SRPX: variants seen among roughly 807,000 people sequenced by gnomAD.
The protein encoded by SRPX is sushi repeat-containing protein SRPX.
In SRPX, 24 loss-of-function variants were observed where a neutral mutation model predicts 38.1. The observed-to-expected ratio is 0.63, with a 90% CI of 0.46 to 0.89. SRPX has a LOEUF of 0.89. Among genes scored for constraint, SRPX ranks in the 40% least tolerant of loss-of-function variants. The pLI, the probability that SRPX is intolerant of heterozygous loss-of-function variation, is 0.00. For missense variants in SRPX, 416 were observed against 377.8 expected (o/e 1.10, Z -0.84); for synonymous variants, 184 against 153.8 (o/e 1.20, Z -1.45).
At chrX:38,199,681 A>G (rs1163295183) in intron 1 of SRPX, among the ~76,000 whole-genome samples, 1 of 109,995 alleles carries the variant, frequency 9.1e-6, no homozygotes. Context: ...TCTGAGGGAA[A>G]GACTTGATTC....
At chrX:38,172,394 G>A (rs183184246) in intron 3 of SRPX, among the ~76,000 whole-genome samples, 38 of 113,078 alleles carry the variant, frequency 3.4e-4, no homozygotes, top group Admixed American at 3.1e-3. Context: ...CAGAGGTTGC[G>A]GCGAGCTGAG....
chrX:38,220,578 T>G, intron 1 of SRPX, 118 bp downstream of exon 1: 1 of 1,038,590 alleles, frequency 9.6e-7, no homozygotes, highest in African/African-American at 2.0e-5. Flanking sequence ...GAAAGAGGAG[T>G]TCTGCGCAAA....
In SRPX at chrX:38,154,579, G is replaced by A. The variant is rs1357541127; in HGVS notation, c.1094C>T (p.Ala365Val). The A allele has an allele frequency of 1.7e-6, 2 of 1,207,665 alleles. No homozygotes were observed. Among genetic ancestry groups the A allele is most frequent in the Non-Finnish European group, 2.2e-6 (2 of 894,003 alleles). ...YRLQLGMLQQ[A>V]QCGLDLRHIT... ...GTGTCGAAGATCAAGGCCACACTGTGCTTGCTGGGAAAAAGAAAACCCAAC... is the reference window on the plus strand; with the variant it reads ...GTGTCGAAGATCAAGGCCACACTGTACTTGCTGGGAAAAAGAAAACCCAAC... Residue 365 changes from alanine (A) to valine (V), a missense_variant, in exon 9 of 10, where the codon GCA becomes GTA. Coordinates refer to ENST00000378533, the MANE Select transcript of SRPX (RefSeq NM_006307.5).
intron 1 of SRPX, among the ~76,000 whole-genome samples, chrX:38,219,198 G>T (rs1939468782): frequency 9.0e-6 from 1 of 110,772 alleles, no homozygotes; most frequent in Non-Finnish European, 1.9e-5. Flanking sequence ...CAGGGGAGGA[G>T]AACGGAGGGA....
At chrX:38,204,678 C>T (rs772345368) in intron 1 of SRPX, among the ~76,000 whole-genome samples, 1 of 111,893 alleles carries the variant, frequency 8.9e-6, no homozygotes, top group Non-Finnish European at 1.9e-5. Flanking sequence ...GAAAACTGTT[C>T]TGTTACTTCT....
intron 1 of SRPX, among the ~76,000 whole-genome samples, chrX:38,179,342 G>A (rs767118902): frequency 1.8e-5 from 2 of 112,540 alleles, no homozygotes; most frequent in South Asian, 7.4e-4. Context: ...GCAAGCTGGA[G>A]CTGAATGGTT....
intron 1 of SRPX, among the ~76,000 whole-genome samples, chrX:38,220,248 C>A (rs960752907): frequency 8.8e-6 from 1 of 113,741 alleles, no homozygotes; most frequent in Admixed American, 9.2e-5. Context: ...TCCTGCGGCC[C>A]CAAGGGGGTA....
chrX:38,201,880 G>C (rs147211712), intron 1 of SRPX, among the ~76,000 whole-genome samples: 1,264 of 111,147 alleles, frequency 0.011, 8 homozygotes, highest in Middle Eastern at 0.028. Context: ...GGTATCCCAG[G>C]ACTAGACTAA....
At position 38,220,720 on chromosome X, in the gene SRPX, CGCG is replaced by C. The variant is rs1569218170; in HGVS notation, c.70_72del (p.Arg24del). The C allele has an allele frequency of 8.6e-7, 1 of 1,157,815 alleles. No homozygotes were observed. The highest frequency in any genetic ancestry group is 1.9e-5 in the African/African-American group (1 of 53,263). Reference sequence around the variant, plus strand: ...CCTGGGAAGCTGCGGCTGGGCGGGACGCGCAGCAGCAGCAGCAGCAGCAGAGGC... The same window carrying C: ...CCTGGGAAGCTGCGGCTGGGCGGGACCAGCAGCAGCAGCAGCAGCAGAGGC... On this transcript the variant is annotated inframe_deletion, in exon 1 of 10. Transcript: ENST00000378533.
intron 1 of SRPX, among the ~76,000 whole-genome samples, chrX:38,218,716 A>G (rs888381014): frequency 1.8e-5 from 2 of 111,693 alleles, no homozygotes; most frequent in African/African-American, 6.5e-5. Context: ...AAAATTTGTC[A>G]CCCAGCACTT....
intron 8 of SRPX, among the ~76,000 whole-genome samples, chrX:38,156,404 G>A (rs1458984080): frequency 9.0e-6 from 1 of 110,927 alleles, no homozygotes; most frequent in African/African-American, 3.3e-5. Context: ...AGTAGGTCTG[G>A]GAGGGGCCCT....
chrX:38,187,615 A>G (rs763390361), intron 1 of SRPX, among the ~76,000 whole-genome samples: 1 of 112,288 alleles, frequency 8.9e-6, no homozygotes, highest in Non-Finnish European at 1.9e-5. Context: ...ATGGGGACTC[A>G]CCAAAAGTTA....
rs1288334974 is a variant in SRPX, at chrX:38,163,053, T to C, written c.653+1716A>G. ...GTGCTAGACCCTGAAGAGTCAAAGG[T>C]AAATAAAACCCAATCCCTGATAACA... On this transcript the variant is annotated intron_variant, in intron 5 of 9. Transcript: ENST00000378533. Among the ~76,000 whole-genome samples, 4 of 112,156 alleles carry C rather than the reference T, an allele frequency of 3.6e-5. No homozygotes were observed. The East Asian group carries it at 1.1e-3, about 31-fold the overall frequency.
At chrX:38,210,497 G>A (rs1176638399) in intron 1 of SRPX, among the ~76,000 whole-genome samples, 2 of 112,179 alleles carry the variant, frequency 1.8e-5, no homozygotes, top group Non-Finnish European at 3.8e-5. Flanking sequence ...AGACGGTGGA[G>A]AGCTATGGGC....
intron 4 of SRPX, among the ~76,000 whole-genome samples, chrX:38,168,768 T>A (rs953592047): frequency 6.3e-5 from 7 of 111,890 alleles, no homozygotes; most frequent in Non-Finnish European, 1.1e-4. Context: ...TGGGAAGTGG[T>A]TTCCTCTGTT....
At chrX:38,158,807 C>T (rs763867500) in intron 7 of SRPX, among the ~76,000 whole-genome samples, 9 of 110,656 alleles carry the variant, frequency 8.1e-5, no homozygotes, top group Admixed American at 3.9e-4. Context: ...GGTGAAACCC[C>T]GTCTTTACTA....
At chrX:38,193,100 C>T (rs748755469) in intron 1 of SRPX, among the ~76,000 whole-genome samples, 1 of 111,981 alleles carries the variant, frequency 8.9e-6, no homozygotes, top group Admixed American at 9.4e-5. Flanking sequence ...TCCTTACAGT[C>T]CTAGCTTGTA....
At chrX:38,205,631 C>A (rs1939194204) in intron 1 of SRPX, among the ~76,000 whole-genome samples, 1 of 111,785 alleles carries the variant, frequency 8.9e-6, no homozygotes, top group Non-Finnish European at 1.9e-5. Context: ...ATATTTAGGT[C>A]TATGATCTAT....
intron 3 of SRPX, among the ~76,000 whole-genome samples, chrX:38,172,931 G>A (rs1938501630): frequency 8.9e-6 from 1 of 112,590 alleles, no homozygotes; most frequent in Admixed American, 9.3e-5. Flanking sequence ...GTCCTCTGAA[G>A]GAGCAGTCTT....
Sources: allele counts gnomAD v4.1 joint callset (sites outside exome capture counted in the v4.1 genomes callset), GRCh38; gene constraint gnomAD v4.1.1; transcripts MANE v1.5; gene names NCBI Gene and HGNC (gene_info 2026-07-23, HGNC 2026-07-21).